The following ERBB4 variants were observed in gnomAD, a reference collection of about 807,000 sequenced individuals.
ERBB4 encodes the protein erb-b2 receptor tyrosine kinase 4.
In ERBB4, 42 loss-of-function variants were observed where a neutral mutation model predicts 158.0. That is an observed-to-expected ratio of 0.27 (90% confidence interval 0.21 to 0.34). The LOEUF is 0.34. Ranked by LOEUF, ERBB4 falls within the 10% of genes least tolerant of loss-of-function variation. ERBB4 has a pLI of 1.00. For synonymous variants in ERBB4, 583 were observed against 558.7 expected (o/e 1.04, Z -0.61); for missense variants, 1,333 against 1,624.1 (o/e 0.82, Z 3.08).
chr2:211,773,599 TA>T (rs2075771704), intron 4 of ERBB4, among the ~76,000 whole-genome samples: 1 of 2,372 alleles, frequency 4.2e-4, no homozygotes, highest in Admixed American at 5.3e-3. Context: ...TCTGTAACTT[TA>T]TATATATATA....
intron 16 of ERBB4, among the ~76,000 whole-genome samples, chr2:211,645,724 T>C (rs572241712): frequency 6.6e-6 from 1 of 151,848 alleles, no homozygotes; most frequent in Admixed American, 6.6e-5. Context: ...GTATGAAAGA[T>C]AATGATCTGT....
intron 20 of ERBB4, among the ~76,000 whole-genome samples, chr2:211,461,676 GGA>G (rs971015674): frequency 3.3e-5 from 5 of 152,056 alleles, no homozygotes; most frequent in Admixed American, 2.6e-4. Flanking sequence ...ATCCACAGAA[GGA>G]GAGAGAGATA....
At position 211,852,845 on chromosome 2, in the gene ERBB4, G is replaced by A. The variant is rs117196873; in HGVS notation, c.422-64686C>T. ...CAGCTCAATACTACCTAAACAAGAA[G>A]TGAGTTGCAAGATCCTTTCTCTGGA... On this transcript the variant is annotated intron_variant, in intron 3 of 27. Coordinates refer to ENST00000342788, the MANE Select transcript of ERBB4 (RefSeq NM_005235.3). Among the ~76,000 whole-genome samples, 21 of 152,042 alleles carry A rather than the reference G, an allele frequency of 1.4e-4. No individual in the cohort carries two copies. The East Asian group carries it at 4.1e-3, about 29-fold the overall frequency.
intron 11 of ERBB4, among the ~76,000 whole-genome samples, chr2:211,702,579 C>T (rs1163442323): frequency 1.3e-5 from 2 of 152,074 alleles, no homozygotes; most frequent in Non-Finnish European, 2.9e-5. Flanking sequence ...TTTAGACATA[C>T]TTTCAGAGTA....
chr2:212,333,693 C>CAAA (rs11312810), intron 1 of ERBB4, among the ~76,000 whole-genome samples: 15 of 147,538 alleles, frequency 1.0e-4, no homozygotes, highest in African/African-American at 3.8e-4. Context: ...GATTCTGTAC[C>CAAA]AAAAAAAAAA....
chr2:211,943,991 T>G (rs1245168116), intron 3 of ERBB4, among the ~76,000 whole-genome samples: 1 of 150,922 alleles, frequency 6.6e-6, no homozygotes, highest in Non-Finnish European at 1.5e-5. Context: ...GCTAATGTGC[T>G]GTTCTGAACA....
At chr2:211,974,789 T>C (rs960069943) in intron 2 of ERBB4, among the ~76,000 whole-genome samples, 1 of 152,144 alleles carries the variant, frequency 6.6e-6, no homozygotes, top group Non-Finnish European at 1.5e-5. Context: ...ATTTTTCTCA[T>C]CATAGAAAAA....
intron 19 of ERBB4, among the ~76,000 whole-genome samples, chr2:211,584,769 AAT>A (rs1432107887): frequency 5.9e-5 from 9 of 151,868 alleles, no homozygotes; most frequent in Non-Finnish European, 1.5e-5. Context: ...ACATATAAAA[AAT>A]ATATGTATAT....
intron 1 of ERBB4, among the ~76,000 whole-genome samples, chr2:212,475,195 C>T (rs1054086294): frequency 2.0e-5 from 3 of 152,142 alleles, no homozygotes; most frequent in African/African-American, 7.2e-5. Flanking sequence ...GCTTTATAGA[C>T]AGGCAACCTG....
chr2:212,111,963 T>C (rs1398177674), intron 2 of ERBB4, among the ~76,000 whole-genome samples: 1 of 152,292 alleles, frequency 6.6e-6, no homozygotes, highest in African/African-American at 2.4e-5. Context: ...CATAGTGCCA[T>C]GAATTTCAAA....
intron 1 of ERBB4, among the ~76,000 whole-genome samples, chr2:212,333,748 A>G (rs2088296612): frequency 6.6e-6 from 1 of 151,848 alleles, no homozygotes; most frequent in Non-Finnish European, 1.5e-5. Flanking sequence ...TCAGAACCCT[A>G]GTTTGCAGGG....
intron 3 of ERBB4, among the ~76,000 whole-genome samples, chr2:211,917,475 G>T (rs2079729218): frequency 6.6e-6 from 1 of 152,096 alleles, no homozygotes; most frequent in African/African-American, 2.4e-5. Flanking sequence ...TACCACAACA[G>T]ATGAAGAAAC....
At chr2:212,274,283 G>A (rs565899737) in intron 1 of ERBB4, among the ~76,000 whole-genome samples, 2 of 151,874 alleles carry the variant, frequency 1.3e-5, no homozygotes, top group South Asian at 2.1e-4. Context: ...TCCTTCTTGG[G>A]AGCACTTCCA....
intron 25 of ERBB4, among the ~76,000 whole-genome samples, chr2:211,391,614 G>C (rs1306479651): frequency 6.6e-6 from 1 of 152,150 alleles, no homozygotes; most frequent in Non-Finnish European, 1.5e-5. Context: ...GATTAACTTG[G>C]ACTTAAATGC....
intron 1 of ERBB4, among the ~76,000 whole-genome samples, chr2:212,500,563 G>C (rs1690833268): frequency 6.6e-6 from 1 of 151,882 alleles, no homozygotes; most frequent in Non-Finnish European, 1.5e-5. Context: ...GAACAATAAG[G>C]AACTGTATTC....
intron 1 of ERBB4, among the ~76,000 whole-genome samples, chr2:212,531,474 A>ACT (rs1392274325): frequency 6.6e-6 from 1 of 152,188 alleles, no homozygotes; most frequent in Admixed American, 6.5e-5. Context: ...GCCATGATGA[A>ACT]AGAGGATGGC....
At chr2:212,262,474 A>C (rs970971555) in intron 1 of ERBB4, among the ~76,000 whole-genome samples, 2 of 152,176 alleles carry the variant, frequency 1.3e-5, no homozygotes, top group Non-Finnish European at 1.5e-5. Flanking sequence ...AAGAAAAATC[A>C]TGAAAAGAGA....
chr2:211,713,690 A>G, intron 7 of ERBB4, 42 bp from the exon 8 acceptor site: 1 of 1,163,928 alleles, frequency 8.6e-7, no homozygotes, highest in Non-Finnish European at 1.3e-6. Context: ...CATTAATGTT[A>G]ACATTCAGCA....
At chr2:212,168,811 A>T (rs2081425893) in intron 1 of ERBB4, among the ~76,000 whole-genome samples, 1 of 152,186 alleles carries the variant, frequency 6.6e-6, no homozygotes, top group African/African-American at 2.4e-5. Context: ...AATGAGGCCC[A>T]TGCCTGAAGC....
Sources: gnomAD v4.1 joint callset for allele counts (sites outside exome capture counted in the v4.1 genomes callset) on GRCh38, gnomAD v4.1.1 for gene constraint, MANE v1.5 for transcripts, NCBI Gene and HGNC (gene_info 2026-07-23, HGNC 2026-07-21) for gene names.